Variants in HS3ST5 observed in about 807,000 individuals in gnomAD.
HS3ST5 encodes heparan sulfate glucosamine 3-O-sulfotransferase 5.
Under a neutral mutation model 25.4 loss-of-function variants are expected in HS3ST5, and 10 were observed. The observed-to-expected ratio is 0.39, with a 90% CI of 0.24 to 0.67. The LOEUF (loss-of-function observed/expected upper bound fraction) is 0.67, where lower values mean the gene tolerates loss of function less well. Among genes scored for constraint, HS3ST5 ranks in the 30% least tolerant of loss-of-function variants. HS3ST5 has a pLI of 0.44. For missense variants in HS3ST5, 324 were observed against 420.7 expected, an observed-to-expected ratio of 0.77 and a Z score of 2.01; for synonymous variants, 170 against 162.4, an observed-to-expected ratio of 1.05 and a Z score of -0.36.
chr6:114,256,254 G>A (rs1473248044), intron 1 of HS3ST5, among the ~76,000 whole-genome samples: 1 of 151,990 alleles, frequency 6.6e-6, no homozygotes, highest in African/African-American at 2.4e-5. Flanking sequence ...TGGGCGTGGT[G>A]GTGGGCGCCT....
At chr6:114,282,831 C>A (rs1428926932) in intron 1 of HS3ST5, among the ~76,000 whole-genome samples, 1 of 152,028 alleles carries the variant, frequency 6.6e-6, no homozygotes, top group Non-Finnish European at 1.5e-5. Context: ...TAGCTAATTT[C>A]TTACAGAAAG....
At chr6:114,296,311 G>A (rs565331888) in intron 1 of HS3ST5, among the ~76,000 whole-genome samples, 179 of 152,124 alleles carry the variant, frequency 1.2e-3, no homozygotes, top group Non-Finnish European at 2.0e-3. Context: ...ATTCACTGAG[G>A]ATTATACCCA....
At chr6:114,132,127 T>C (rs898179039) in intron 3 of HS3ST5, 1 of 152,144 alleles carries the variant, frequency 6.6e-6, no homozygotes, top group Non-Finnish European at 1.5e-5. Context: ...GTGCCAAAAG[T>C]GACAAAATGA....
At chr6:114,177,046 T>G (rs899788135) in intron 2 of HS3ST5, among the ~76,000 whole-genome samples, 1 of 152,222 alleles carries the variant, frequency 6.6e-6, no homozygotes, top group African/African-American at 2.4e-5. Context: ...GAAAATTAGT[T>G]TGTATTTCCC....
At chr6:114,247,183 A>G (rs568355708) in intron 1 of HS3ST5, among the ~76,000 whole-genome samples, 1 of 152,290 alleles carries the variant, frequency 6.6e-6, no homozygotes, top group East Asian at 1.9e-4. Context: ...TTAAGCTTAC[A>G]CTGTTGTTAA....
chr6:114,235,462 A>G (rs1218659277), intron 1 of HS3ST5, among the ~76,000 whole-genome samples: 1 of 152,150 alleles, frequency 6.6e-6, no homozygotes, highest in Non-Finnish European at 1.5e-5. Flanking sequence ...CAAATGAGTG[A>G]CAGAAGAGTC....
At chr6:114,115,885 A>G (rs556204071) in intron 3 of HS3ST5, among the ~76,000 whole-genome samples, 1 of 152,186 alleles carries the variant, frequency 6.6e-6, no homozygotes, top group East Asian at 1.9e-4. Flanking sequence ...AGTACAGAGA[A>G]GGTTAGTGAG....
At chr6:114,197,270 T>C (rs759640454) in intron 2 of HS3ST5, among the ~76,000 whole-genome samples, 5 of 152,118 alleles carry the variant, frequency 3.3e-5, no homozygotes, top group Non-Finnish European at 2.9e-5. Flanking sequence ...TATTGATATT[T>C]GTTTGTTTTG....
intron 1 of HS3ST5, among the ~76,000 whole-genome samples, chr6:114,316,242 G>C (rs1775742460): frequency 6.6e-6 from 1 of 152,186 alleles, no homozygotes; most frequent in Non-Finnish European, 1.5e-5. Flanking sequence ...TTAGTAGTCT[G>C]TCTGTGTATA....
chr6:114,194,770 A>C (rs777971753), intron 2 of HS3ST5, among the ~76,000 whole-genome samples: 1 of 152,210 alleles, frequency 6.6e-6, no homozygotes, highest in Non-Finnish European at 1.5e-5. Context: ...GCACATGGGC[A>C]GGTCTCTCCT....
chr6:114,170,283 A>G (rs1779416465), intron 2 of HS3ST5, among the ~76,000 whole-genome samples: 1 of 152,128 alleles, frequency 6.6e-6, no homozygotes, highest in South Asian at 2.1e-4. Context: ...GTATATTGTT[A>G]CAAATGTAAA....
intron 3 of HS3ST5, among the ~76,000 whole-genome samples, chr6:114,067,698 T>C (rs1421587804): frequency 1.3e-5 from 2 of 152,160 alleles, no homozygotes; most frequent in African/African-American, 2.4e-5. Context: ...CTCCTTACAC[T>C]GCCCCGTCTG....
At chr6:114,300,154 C>T (rs78945558) in intron 1 of HS3ST5, among the ~76,000 whole-genome samples, 12 of 150,968 alleles carry the variant, frequency 7.9e-5, no homozygotes, top group Admixed American at 2.0e-4. Flanking sequence ...AGAAAAAAAC[C>T]GGATTTCATC....
intron 1 of HS3ST5, among the ~76,000 whole-genome samples, chr6:114,252,490 A>G (rs1772708176): frequency 6.6e-6 from 1 of 152,232 alleles, no homozygotes; most frequent in African/African-American, 2.4e-5. Flanking sequence ...GTGGAGGGGG[A>G]ATGAGCAAAA....
chr6:114,249,375 T>A (rs1169397732), intron 1 of HS3ST5, among the ~76,000 whole-genome samples: 1 of 152,234 alleles, frequency 6.6e-6, no homozygotes. Context: ...TTACTAGAAA[T>A]AACTTGTGTG....
intron 3 of HS3ST5, among the ~76,000 whole-genome samples, chr6:114,160,334 AT>A (rs202241302): frequency 0.018 from 2,704 of 152,204 alleles, 73 homozygotes; most frequent in African/African-American, 0.062. Flanking sequence ...CTAAAAAAAA[AT>A]CTCTATCAAA....
At chr6:114,199,853 T>G (rs1027315760) in intron 2 of HS3ST5, among the ~76,000 whole-genome samples, 3 of 152,186 alleles carry the variant, frequency 2.0e-5, no homozygotes, top group Non-Finnish European at 4.4e-5. Context: ...CTTCCAGTTT[T>G]GTGGCAAGTA....
chr6:114,132,538 T>C (rs1354754833), intron 3 of HS3ST5, among the ~76,000 whole-genome samples: 2 of 152,104 alleles, frequency 1.3e-5, no homozygotes, highest in African/African-American at 2.4e-5. Context: ...TGGTCACAAA[T>C]AGCATTTTCC....
At chr6:114,148,233 C>T (rs1309083799) in intron 3 of HS3ST5, among the ~76,000 whole-genome samples, 1 of 152,114 alleles carries the variant, frequency 6.6e-6, no homozygotes, top group Admixed American at 6.5e-5. Context: ...TAGCCATATG[C>T]AGAAAAGTGA....
Sources: gnomAD v4.1 joint callset for allele counts (sites outside exome capture counted in the v4.1 genomes callset) on GRCh38, gnomAD v4.1.1 for gene constraint, MANE v1.5 for transcripts, NCBI Gene and HGNC (gene_info 2026-07-23, HGNC 2026-07-21) for gene names.